The following HEMK2 variants were observed in gnomAD, a reference collection of about 807,000 sequenced individuals.
HEMK2 encodes the protein HemK methyltransferase 2, ETF1 glutamine and histone H4 lysine.
the HEMK2 span, among the ~76,000 whole-genome samples, chr21:28,707,387 C>T: frequency 1.3e-5 from 2 of 151,752 alleles, no homozygotes; most frequent in Non-Finnish European, 2.9e-5. Context: ...TCCCAAGTAG[C>T]TGGAGTTACA....
At chr21:28,735,308 C>T in the HEMK2 span, among the ~76,000 whole-genome samples, 3 of 152,068 alleles carry the variant, frequency 2.0e-5, no homozygotes, top group Non-Finnish European at 2.9e-5. Flanking sequence ...GTCACCTGGG[C>T]TAAGTTTTTA....
the HEMK2 span, among the ~76,000 whole-genome samples, chr21:28,816,250 A>G: frequency 7.1e-6 from 1 of 140,984 alleles, no homozygotes; most frequent in African/African-American, 2.8e-5. Context: ...TATTCTCAGA[A>G]AGAAGTCATG....
the HEMK2 span, among the ~76,000 whole-genome samples, chr21:28,653,743 GT>G: frequency 6.6e-6 from 1 of 152,254 alleles, no homozygotes; most frequent in South Asian, 2.1e-4. Flanking sequence ...ACTGATTTGT[GT>G]TTAGTTCATT....
At chr21:28,800,970 G>A in the HEMK2 span, among the ~76,000 whole-genome samples, 6 of 152,300 alleles carry the variant, frequency 3.9e-5, 1 homozygote, top group South Asian at 1.2e-3. Context: ...AAGCAGCATC[G>A]TGAGAACAGT....
the HEMK2 span, among the ~76,000 whole-genome samples, chr21:28,677,362 C>T: frequency 6.6e-6 from 1 of 152,340 alleles, no homozygotes; most frequent in African/African-American, 2.4e-5. Flanking sequence ...GGGTGTCCAC[C>T]ATTGCCGAGG....
the HEMK2 span, among the ~76,000 whole-genome samples, chr21:28,676,560 G>C: frequency 6.6e-6 from 1 of 152,122 alleles, no homozygotes; most frequent in Non-Finnish European, 1.5e-5. Context: ...GTGGGAGGGG[G>C]TCCCGAGAGA....
At chr21:28,695,006 A>C in the HEMK2 span, among the ~76,000 whole-genome samples, 2 of 152,052 alleles carry the variant, frequency 1.3e-5, no homozygotes, top group Non-Finnish European at 2.9e-5. Flanking sequence ...TCAAAAAAAA[A>C]AAAAAAAGAT....
the HEMK2 span, chr21:28,885,157 C>T: frequency 7.4e-6 from 11 of 1,485,848 alleles, no homozygotes; most frequent in Non-Finnish European, 1.0e-5. Flanking sequence ...TCCTCCACCG[C>T]ACTTCTTCAG....
At chr21:28,585,343 A>G in the HEMK2 span, among the ~76,000 whole-genome samples, 11 of 150,704 alleles carry the variant, frequency 7.3e-5, no homozygotes, top group African/African-American at 2.4e-4. Flanking sequence ...ATAAATAAAT[A>G]AATAAATAAA....
chr21:28,788,022 T>C, the HEMK2 span, among the ~76,000 whole-genome samples: 2 of 152,012 alleles, frequency 1.3e-5, no homozygotes, highest in African/African-American at 2.4e-5. Flanking sequence ...TGTATACTAT[T>C]TCAAACTAGA....
At chr21:28,713,403 G>C in the HEMK2 span, among the ~76,000 whole-genome samples, 1 of 152,150 alleles carries the variant, frequency 6.6e-6, no homozygotes, top group Non-Finnish European at 1.5e-5. Flanking sequence ...AGGATAAAGT[G>C]AAGTGGCCTC....
the HEMK2 span, among the ~76,000 whole-genome samples, chr21:28,690,912 T>C: frequency 1.3e-5 from 2 of 152,168 alleles, no homozygotes; most frequent in African/African-American, 4.8e-5. Context: ...GTCAGGATTT[T>C]GTTGATTGAT....
At chr21:28,726,609 G>A in the HEMK2 span, among the ~76,000 whole-genome samples, 8 of 152,164 alleles carry the variant, frequency 5.3e-5, no homozygotes, top group South Asian at 2.1e-4. Context: ...GTAGTCTACC[G>A]TCAAAGATTA....
At chr21:28,636,654 A>G in the HEMK2 span, among the ~76,000 whole-genome samples, 1 of 152,188 alleles carries the variant, frequency 6.6e-6, no homozygotes, top group Non-Finnish European at 1.5e-5. Context: ...AAACTCACGA[A>G]AAGGAGTACT....
At chr21:28,636,629 A>G in the HEMK2 span, among the ~76,000 whole-genome samples, 2 of 152,156 alleles carry the variant, frequency 1.3e-5, no homozygotes, top group East Asian at 1.9e-4. Flanking sequence ...AAGTTCAGAG[A>G]GACTCAGGCA....
the HEMK2 span, among the ~76,000 whole-genome samples, chr21:28,766,732 C>A: frequency 6.6e-6 from 1 of 152,002 alleles, no homozygotes; most frequent in Non-Finnish European, 1.5e-5. Flanking sequence ...AGGCCACTAT[C>A]TTAAGTAACT....
At chr21:28,663,407 T>C in the HEMK2 span, among the ~76,000 whole-genome samples, 2 of 152,238 alleles carry the variant, frequency 1.3e-5, no homozygotes, top group Non-Finnish European at 1.5e-5. Context: ...AATTTCATAA[T>C]GTTGGCTCAG....
chr21:28,800,980 T>C, the HEMK2 span, among the ~76,000 whole-genome samples: 2 of 151,966 alleles, frequency 1.3e-5, no homozygotes, highest in African/African-American at 4.8e-5. Context: ...GTGAGAACAG[T>C]AGGGAGAAAG....
At chr21:28,729,018 G>C in the HEMK2 span, among the ~76,000 whole-genome samples, 1 of 152,206 alleles carries the variant, frequency 6.6e-6, no homozygotes, top group Non-Finnish European at 1.5e-5. Context: ...TTGGGACTGA[G>C]AGTGTACTCA....
Sources: allele counts gnomAD v4.1 joint callset (sites outside exome capture counted in the v4.1 genomes callset), GRCh38; gene constraint gnomAD v4.1.1; transcripts MANE v1.5; gene names NCBI Gene and HGNC (gene_info 2026-07-23, HGNC 2026-07-21).